The following POFUT1 variants were observed in gnomAD, a reference collection of about 807,000 sequenced individuals.
POFUT1 encodes protein O-fucosyltransferase 1, also known as GDP-fucose protein O-fucosyltransferase 1.
Under a neutral mutation model 42.4 loss-of-function variants are expected in POFUT1, and 16 were observed. The observed-to-expected ratio is 0.38, with a 90% confidence interval of 0.26 to 0.57. POFUT1 has a LOEUF of 0.57. POFUT1 is among the 20% of genes least tolerant of loss of function. The probability of loss-of-function intolerance (pLI) is 0.71; values close to 1 mark genes in which losing one functional copy is unlikely to be tolerated. For missense variants in POFUT1, 470 were observed against 504.6 expected, an observed-to-expected ratio of 0.93 and a Z score of 0.66; for synonymous variants, 206 against 205.4, an observed-to-expected ratio of 1.00 and a Z score of -0.03.
intron 4 of POFUT1, among the ~76,000 whole-genome samples, chr20:32,225,520 A>C (rs1394408908): frequency 7.1e-6 from 1 of 140,494 alleles, no homozygotes; most frequent in Non-Finnish European, 1.5e-5. Flanking sequence ...ACAAGGTCTC[A>C]CCCTCCCACC....
At chr20:32,217,905 T>C (rs1369391305) in intron 4 of POFUT1, 5 of 177,380 alleles carry the variant, frequency 2.8e-5, no homozygotes, top group Non-Finnish European at 5.5e-5. Flanking sequence ...CTTTAATAAA[T>C]AACAACAGCT....
chr20:32,209,744 C>G (rs1024075320), intron 1 of POFUT1, among the ~76,000 whole-genome samples: 9 of 152,154 alleles, frequency 5.9e-5, no homozygotes, highest in African/African-American at 2.2e-4. Flanking sequence ...TCGAGTTGCC[C>G]GTCCATGTGC....
At chr20:32,217,790 T>C (rs1440933942) in intron 4 of POFUT1, 3 of 964,718 alleles carry the variant, frequency 3.1e-6, no homozygotes, top group East Asian at 2.3e-4. Flanking sequence ...GTGGGTATTA[T>C]TATCAATTTC....
chr20:32,214,868 A>G (rs763568365), intron 2 of POFUT1, among the ~76,000 whole-genome samples: 9 of 151,990 alleles, frequency 5.9e-5, no homozygotes, highest in Admixed American at 1.3e-4. Flanking sequence ...ATGTAGTCTG[A>G]ACTGTCTTGG....
chr20:32,223,734 T>C (rs1489867413), intron 4 of POFUT1: 1 of 968,074 alleles, frequency 1.0e-6, no homozygotes, highest in Admixed American at 6.2e-5. Context: ...TAAAAATATT[T>C]ATCATGCCTA....
rs192771195 is a variant in POFUT1 at position 32,214,798 on chromosome 20, C to A, written c.247-471C>A. Among the ~76,000 whole-genome samples, 522 of 152,310 alleles carry A rather than the reference C, an allele frequency of 3.4e-3. 1 individual carries two copies. Among genetic ancestry groups the A allele is most frequent in the Non-Finnish European group, 4.1e-3 (277 of 68,030 alleles). ...TACTGTTTGTTCTTTAGTTTGCAGA[C>A]TCTCCTGCTAGCCTGTCTATCCTAG... is the stretch of plus-strand genomic sequence containing the variant. On this transcript the variant is annotated intron_variant, in intron 2 of 6. Transcript: ENST00000375749.
intron 6 of POFUT1, among the ~76,000 whole-genome samples, chr20:32,233,456 G>A (rs1451191384): frequency 6.6e-6 from 1 of 152,196 alleles, no homozygotes; most frequent in African/African-American, 2.4e-5. Flanking sequence ...GGCCCAGCGA[G>A]GACCTTGTAG....
At chr20:32,209,958 TCTC>T in intron 1 of POFUT1, 110 bp from the exon 2 acceptor site, 2 of 1,152,214 alleles carry the variant, frequency 1.7e-6, no homozygotes, top group Non-Finnish European at 2.6e-6. Flanking sequence ...CTCCCCTAGT[TCTC>T]CTTGGTATCC....
In POFUT1 at chr20:32,234,712, C is replaced by G. The variant is rs372843982; in HGVS notation, c.*51C>G. On this transcript the variant is annotated 3_prime_UTR_variant, in exon 7 of 7. Coordinates refer to ENST00000375749, the MANE Select transcript of POFUT1 (RefSeq NM_015352.2). ...GATCCTGGAGGGACCAGAGTCTGAG[C>G]TGGTCCTTCCAGCCAGGCCTGGCAG... 3 of 1,481,752 alleles carry G rather than the reference C, an allele frequency of 2.0e-6. No individual in the cohort carries two copies. Among genetic ancestry groups the G allele is most frequent in the Non-Finnish European group, 2.7e-6 (3 of 1,100,128 alleles). 91.8% of individuals were successfully genotyped at this position (1,481,752 alleles called of 1,614,324 possible). A position where few individuals can be genotyped will look rare whatever the true frequency, so the allele number is the denominator to read the frequency against.
chr20:32,219,787 G>A (rs763788283), intron 4 of POFUT1, among the ~76,000 whole-genome samples: 6 of 151,926 alleles, frequency 3.9e-5, no homozygotes, highest in Non-Finnish European at 4.4e-5. Context: ...GTGAGCCACC[G>A]CGCCCGGCCA....
chr20:32,226,745 C>T (rs534630539), intron 4 of POFUT1, among the ~76,000 whole-genome samples: 86 of 152,272 alleles, frequency 5.6e-4, no homozygotes, highest in South Asian at 2.5e-3. Context: ...ATTCCCTTGA[C>T]ATCATCCAAA....
rs142837732 is a variant in POFUT1, at chr20:32,233,036, A to G, written c.979-1437A>G. Among the ~76,000 whole-genome samples the G allele has an allele frequency of 4.5e-3, 683 of 152,316 alleles. 6 individuals are homozygous for G. The highest frequency in any genetic ancestry group is 0.015 in the African/African-American group (627 of 41,564). On this transcript the variant is annotated intron_variant, in intron 6 of 6. Transcript: ENST00000375749. ...GTGGATTCAGGAGCTTGCTAGAGAGATGGGCAGGTCCATTCATTCACCTGT... is the reference window on the plus strand; with the variant it reads ...GTGGATTCAGGAGCTTGCTAGAGAGGTGGGCAGGTCCATTCATTCACCTGT...
rs1329350401 is a variant in POFUT1, at chr20:32,217,141, C to T, written c.542+420C>T. ...TATTGGACGTGTTTATTAATTGCAC[C>T]CCATTAGCCCCTGTTTTTAAAAAAT... On this transcript the variant is annotated intron_variant, in intron 4 of 6. Transcript: ENST00000375749. 3 of 1,559,252 alleles carry T rather than the reference C, an allele frequency of 1.9e-6. No individual in the cohort carries two copies. The African/African-American group carries it at 4.1e-5, about 21-fold the overall frequency.
intron 6 of POFUT1, among the ~76,000 whole-genome samples, chr20:32,231,866 T>C (rs1449492756): frequency 6.6e-6 from 1 of 152,200 alleles, no homozygotes; most frequent in East Asian, 1.9e-4. Context: ...AAGCCGTGAA[T>C]AGTGAGTATT....
At position 32,222,784 on chromosome 20, in the gene POFUT1, G is replaced by C. The variant is rs187168681; in HGVS notation, c.543-5479G>C. The C allele has an allele frequency of 1.5e-5, 15 of 985,376 alleles. No individual in the cohort carries two copies. The East Asian group carries it at 1.2e-3, about 82-fold the overall frequency. The allele number at this position is 985,376 out of a possible 1,614,324, so 61.0% of individuals were successfully genotyped here. A position where few individuals can be genotyped will look rare whatever the true frequency, so the allele number is the denominator to read the frequency against. On this transcript the variant is annotated intron_variant, in intron 4 of 6. Coordinates refer to ENST00000375749, the MANE Select transcript of POFUT1 (RefSeq NM_015352.2). The stretch of plus-strand genomic sequence containing the variant: ...AGCTCTAATTCAGCTGACGCTTACT[G>C]CACATTGACTATTGGAAGGCAATGC...
intron 4 of POFUT1, chr20:32,223,295 C>A (rs923129584): frequency 9.1e-6 from 9 of 985,300 alleles, no homozygotes; most frequent in African/African-American, 5.2e-5. Context: ...CCTGTTCCCC[C>A]CTCATTCTTT....
chr20:32,226,083 C>T (rs1481976510), intron 4 of POFUT1, among the ~76,000 whole-genome samples: 1 of 151,056 alleles, frequency 6.6e-6, no homozygotes, highest in Non-Finnish European at 1.5e-5. Context: ...GCAGGATGAG[C>T]TTGTATTTAG....
rs375470215 is a variant in POFUT1, at chr20:32,230,926, T to C, written c.843T>C (p.Thr281=). 1 of 1,614,180 alleles carries C rather than the reference T, an allele frequency of 6.2e-7. No homozygotes were observed. The highest frequency in any genetic ancestry group is 1.3e-5 in the African/African-American group (1 of 75,048). Residue 281 remains threonine, a synonymous_variant, in exon 6 of 7, where the codon ACT becomes ACC. Coordinates refer to ENST00000375749, the MANE Select transcript of POFUT1 (RefSeq NM_015352.2). ...GCACAGCGGCCCCCCTCACGATGACTATGTGCCTGCCTGACCTGAAGGAGA... is the reference window on the plus strand; with the variant it reads ...GCACAGCGGCCCCCCTCACGATGACCATGTGCCTGCCTGACCTGAAGGAGA... ...SRSTAAPLTM[T]MCLPDLKEIQ... is the part of the protein sequence containing the mutation.
intron 4 of POFUT1, among the ~76,000 whole-genome samples, chr20:32,219,820 C>T (rs2047381991): frequency 6.6e-6 from 1 of 152,094 alleles, no homozygotes; most frequent in Admixed American, 6.6e-5. Context: ...TATTATTTCT[C>T]ATGGGACTGT....
Sources: gnomAD v4.1 joint callset for allele counts (sites outside exome capture counted in the v4.1 genomes callset) on GRCh38, gnomAD v4.1.1 for gene constraint, MANE v1.5 for transcripts, NCBI Gene and HGNC (gene_info 2026-07-23, HGNC 2026-07-21) for gene names.